KDM5A: variants seen among roughly 807,000 people sequenced by gnomAD.
The protein encoded by KDM5A is lysine demethylase 5A.
In KDM5A, 42 loss-of-function variants were observed where a neutral mutation model predicts 193.5. That is an observed-to-expected ratio of 0.22 (90% CI 0.17 to 0.28). KDM5A has a LOEUF of 0.28. Among genes scored for constraint, KDM5A ranks in the 10% least tolerant of loss-of-function variants. The pLI is 1.00. For synonymous variants in KDM5A, 796 were observed against 718.1 expected (o/e 1.11, Z -1.73); for missense variants, 1,692 against 2,055.1 (o/e 0.82, Z 3.42).
chr12:316,429 G>A (rs1943651396), intron 19 of KDM5A, among the ~76,000 whole-genome samples: 2 of 151,992 alleles, frequency 1.3e-5, no homozygotes, highest in Admixed American at 1.3e-4. Context: ...CAAATATCAA[G>A]GTAAAATATA....
At chr12:365,079 G>T (rs1176393426) in intron 4 of KDM5A, among the ~76,000 whole-genome samples, 1 of 151,792 alleles carries the variant, frequency 6.6e-6, no homozygotes, top group African/African-American at 2.4e-5. Flanking sequence ...TTGAGACAGG[G>T]TCTCACTCTG....
intron 3 of KDM5A, among the ~76,000 whole-genome samples, chr12:374,590 T>C (rs1250882026): frequency 2.0e-5 from 3 of 152,220 alleles, no homozygotes; most frequent in East Asian, 1.9e-4. Flanking sequence ...GTTAATACTG[T>C]TATGTGTGAA....
In KDM5A at chr12:379,996, C is replaced by T. The variant is rs147414909; in HGVS notation, c.366+4035G>A. ...AAAACCAGAAAAGTGCAGCCGGGCA[C>T]GGTGGCTTGCACCTGTAATCCCACC... On this transcript the variant is annotated intron_variant, in intron 3 of 27. Transcript: ENST00000399788. 2.7e-3 allele frequency among the ~76,000 whole-genome samples: 414 copies of T among 152,288 alleles called. 2 individuals are homozygous for T. The highest frequency in any genetic ancestry group is 9.6e-3 in the African/African-American group (397 of 41,554).
At chr12:298,456 CCTGA>C (rs139433214) in intron 24 of KDM5A, among the ~76,000 whole-genome samples, 10,676 of 152,144 alleles carry the variant, frequency 0.07, 825 homozygotes, top group East Asian at 0.35. Context: ...AGCAGAGGGG[CCTGA>C]CTGTTTGAAG....
At chr12:384,286 G>T in intron 2 of KDM5A, 133 bp from the exon 3 acceptor site, 1 of 709,536 alleles carries the variant, frequency 1.4e-6, no homozygotes, top group Non-Finnish European at 2.5e-6. Context: ...CACACAGCAG[G>T]AGGTGAGCAG....
rs543483778 is a variant in KDM5A at position 359,998 on chromosome 12, G to A, written c.672+2965C>T. Among the ~76,000 whole-genome samples the A allele has an allele frequency of 7.9e-5, 12 of 152,122 alleles. No individual in the cohort carries two copies. The South Asian group carries it at 8.3e-4, about 11-fold the overall frequency. On this transcript the variant is annotated intron_variant, in intron 5 of 27. Transcript: ENST00000399788. The stretch of plus-strand genomic sequence containing the variant: ...GAAAAGAAAAGGATAGATTTGGGCC[G>A]GGTGTGATGGCTCACACCTATAATC...
At chr12:386,675 T>A (rs1426260845) in intron 1 of KDM5A, among the ~76,000 whole-genome samples, 5 of 152,158 alleles carry the variant, frequency 3.3e-5, no homozygotes, top group African/African-American at 1.2e-4. Context: ...AGCGAGACCC[T>A]ATCTCTATAA....
intron 27 of KDM5A, chr12:286,181 C>A: frequency 2.0e-6 from 1 of 508,412 alleles, no homozygotes; most frequent in East Asian, 5.7e-5. Context: ...TTTTATTCTT[C>A]TCTTCTTCCG....
intron 1 of KDM5A, chr12:388,627 A>AG: frequency 2.1e-6 from 1 of 479,096 alleles, no homozygotes; most frequent in South Asian, 2.1e-5. Context: ...GTCACGTCAT[A>AG]ATACTGTACT....
intron 22 of KDM5A, 96 bp from the exon 23 acceptor site, chr12:308,101 C>T: frequency 7.4e-7 from 1 of 1,343,772 alleles, no homozygotes; most frequent in Non-Finnish European, 1.0e-6. Context: ...CCCAAGTTAT[C>T]AGTTATAAAC....
chr12:340,638 T>C (rs943984705), intron 10 of KDM5A, among the ~76,000 whole-genome samples: 2 of 130,342 alleles, frequency 1.5e-5, no homozygotes, highest in Non-Finnish European at 3.0e-5. Flanking sequence ...GAGGTTGCAG[T>C]GAGCTGAGAT....
At position 334,238 on chromosome 12, in the gene KDM5A, T is replaced by C; in HGVS notation, c.1490+3A>G. 1 of 1,613,350 alleles carries C rather than the reference T, an allele frequency of 6.2e-7. No homozygotes were observed. The highest frequency in any genetic ancestry group is 8.5e-7 in the Non-Finnish European group (1 of 1,179,276). ...TGCATGCTGTATTTTAGACTGTACATACCAGTGCAAGTAGTTGATGGAATA... is the reference window on the plus strand; with the variant it reads ...TGCATGCTGTATTTTAGACTGTACACACCAGTGCAAGTAGTTGATGGAATA... On this transcript the variant is annotated splice_donor_region_variant and intron_variant, in intron 11 of 27. Coordinates refer to ENST00000399788, the MANE Select transcript of KDM5A (RefSeq NM_001042603.3).
intron 21 of KDM5A, 106 bp from the exon 22 acceptor site, chr12:310,070 T>C (rs1943564911): frequency 8.7e-7 from 1 of 1,154,762 alleles, no homozygotes; most frequent in Non-Finnish European, 1.2e-6. Context: ...TCCCACGCAC[T>C]TTCTTAAGGA....
At chr12:339,127 G>A (rs1337774003) in intron 10 of KDM5A, among the ~76,000 whole-genome samples, 8 of 146,640 alleles carry the variant, frequency 5.5e-5, no homozygotes, top group African/African-American at 1.5e-4. Flanking sequence ...GTGGTGAGCC[G>A]AGATCACACC....
intron 10 of KDM5A, 95 bp downstream of exon 10, chr12:350,526 T>C: frequency 8.4e-7 from 1 of 1,197,102 alleles, no homozygotes; most frequent in Non-Finnish European, 1.2e-6. Context: ...ATCCTACGTA[T>C]TTAATATTTT....
intron 10 of KDM5A, among the ~76,000 whole-genome samples, chr12:338,074 G>A (rs960158446): frequency 5.3e-5 from 8 of 152,218 alleles, no homozygotes; most frequent in African/African-American, 1.7e-4. Flanking sequence ...ACTGCAGAGA[G>A]CAGCAGTATG....
intron 10 of KDM5A, among the ~76,000 whole-genome samples, chr12:349,932 C>T (rs552643990): frequency 6.6e-6 from 1 of 151,396 alleles, no homozygotes; most frequent in East Asian, 2.0e-4. Flanking sequence ...AGTTCGAGAC[C>T]AGCCTGACCA....
At chr12:329,687 T>G (rs1044847545) in intron 13 of KDM5A, among the ~76,000 whole-genome samples, 2 of 152,078 alleles carry the variant, frequency 1.3e-5, no homozygotes, top group Non-Finnish European at 2.9e-5. Context: ...TCCCTAACAG[T>G]GAAATAAATA....
intron 1 of KDM5A, chr12:388,211 G>A (rs190527431): frequency 3.1e-5 from 14 of 449,824 alleles, no homozygotes; most frequent in Non-Finnish European, 4.5e-5. Context: ...TCCACACAAG[G>A]GATAGTATCT....
Sources: gnomAD v4.1 joint callset for allele counts (sites outside exome capture counted in the v4.1 genomes callset) on GRCh38, gnomAD v4.1.1 for gene constraint, MANE v1.5 for transcripts, NCBI Gene and HGNC (gene_info 2026-07-23, HGNC 2026-07-21) for gene names.